Variants in KIF26B observed in about 807,000 individuals in gnomAD.
The protein encoded by KIF26B is kinesin family member 26B, also known as kinesin-like protein KIF26B.
A neutral mutation model predicts 151.2 loss-of-function variants in KIF26B; 63 were observed. The observed-to-expected ratio is 0.42, with a 90% CI of 0.34 to 0.51. The LOEUF is 0.51. KIF26B is among the 20% of genes least tolerant of loss of function. The probability of loss-of-function intolerance (pLI) is 0.07; values close to 1 mark genes in which losing one functional copy is unlikely to be tolerated. For missense variants in KIF26B, 2,813 were observed against 2,913.6 expected (o/e 0.97, Z 0.79); for synonymous variants, 1,357 against 1,262.1 (o/e 1.08, Z -1.59).
intron 9 of KIF26B, among the ~76,000 whole-genome samples, chr1:245,624,770 A>G (rs12134897): frequency 2.6e-5 from 4 of 152,136 alleles, no homozygotes; most frequent in Admixed American, 2.0e-4. Context: ...TCTTTTATGA[A>G]TCATGTTTTT....
At position 245,294,050 on chromosome 1, in the gene KIF26B, G is replaced by A. The variant is rs112412149; in HGVS notation, c.466-72784G>A. ...AAATAAGTCTGTTTGACTGTTTTGA[G>A]TTCTTCCTTTAAAGAATATAGACCA... On this transcript the variant is annotated intron_variant, in intron 2 of 14. Transcript: ENST00000407071. 7.0e-3 allele frequency among the ~76,000 whole-genome samples: 1,066 copies of A among 152,312 alleles called. 12 individuals carry two copies. The highest frequency in any genetic ancestry group is 0.024 in the African/African-American group (1,014 of 41,572).
intron 4 of KIF26B, among the ~76,000 whole-genome samples, chr1:245,421,568 G>A (rs1171158907): frequency 1.3e-5 from 2 of 152,168 alleles, no homozygotes; most frequent in African/African-American, 2.4e-5. Context: ...TCAATGCTCA[G>A]ATGGGAATTG....
At chr1:245,253,596 C>T (rs892193903) in intron 2 of KIF26B, among the ~76,000 whole-genome samples, 18 of 151,828 alleles carry the variant, frequency 1.2e-4, no homozygotes, top group African/African-American at 3.1e-4. Context: ...GAAGAGTTTA[C>T]GTAAGATTGG....
rs1247854504 is a variant in KIF26B, at chr1:245,560,417, A to G, written c.1350+19467A>G. 3.9e-5 allele frequency among the ~76,000 whole-genome samples: 6 copies of G among 152,122 alleles called. No homozygotes were observed. The highest frequency in any genetic ancestry group is 8.8e-5 in the Non-Finnish European group (6 of 68,012). On this transcript the variant is annotated intron_variant, in intron 5 of 14. Transcript: ENST00000407071. This position sits in a 1 kb window ranked among gnomAD's most constrained non-coding sequence, Gnocchi z 4.3. ...TTTCTTTCTTTCCTGTGAGATAAAA[A>G]TGTACCTTATGGTATTACTTTATTT...
intron 2 of KIF26B, among the ~76,000 whole-genome samples, chr1:245,202,063 G>A (rs999996299): frequency 2.6e-5 from 4 of 152,170 alleles, no homozygotes; most frequent in South Asian, 2.1e-4. Context: ...TTAGGATTGC[G>A]AGGCAGGCCA....
In KIF26B at chr1:245,702,880, G is replaced by T. The variant is rs900543982; in HGVS notation, c.*274G>T. ...AAAAAGCACTTTGAGGAACCTTAAA[G>T]ACCTTGTTTGTACATAAGAACTGCT... On this transcript the variant is annotated 3_prime_UTR_variant, in exon 15 of 15. Coordinates refer to ENST00000407071, the MANE Select transcript of KIF26B (RefSeq NM_018012.4). This position sits in a 1 kb window ranked among gnomAD's most constrained non-coding sequence, Gnocchi z 4.1. The T allele has an allele frequency of 7.8e-6, 3 of 384,972 alleles. No homozygotes were observed. The highest frequency in any genetic ancestry group is 6.1e-5 in the African/African-American group (3 of 49,470). The allele number at this position is 384,972 out of a possible 1,614,324, so 23.8% of individuals were successfully genotyped here.
intron 10 of KIF26B, chr1:245,674,037 A>G (rs1289189007): frequency 2.0e-5 from 3 of 152,256 alleles, no homozygotes; most frequent in African/African-American, 7.2e-5. Context: ...GATCTCTGGC[A>G]CTGTGATTAG....
chr1:245,374,186 G>GT (rs1306128359), intron 3 of KIF26B, among the ~76,000 whole-genome samples: 2 of 124,588 alleles, frequency 1.6e-5, no homozygotes, highest in African/African-American at 2.9e-5. Context: ...ATATATCAAG[G>GT]TTTGCTAAAT....
intron 5 of KIF26B, among the ~76,000 whole-genome samples, chr1:245,554,248 G>A (rs143117765): frequency 1.3e-5 from 2 of 152,270 alleles, no homozygotes; most frequent in East Asian, 3.9e-4. Flanking sequence ...TTGAGGGTGG[G>A]AATCTTTGTT....
At chr1:245,273,483 G>T (rs536562722) in intron 2 of KIF26B, among the ~76,000 whole-genome samples, 3 of 150,014 alleles carry the variant, frequency 2.0e-5, no homozygotes, top group African/African-American at 7.3e-5. Context: ...TCCTACTATT[G>T]TTGTGTTGCT....
At chr1:245,314,932 G>A (rs1046906629) in intron 2 of KIF26B, among the ~76,000 whole-genome samples, 1 of 152,186 alleles carries the variant, frequency 6.6e-6, no homozygotes, top group Non-Finnish European at 1.5e-5. Context: ...TGTAATCCCA[G>A]CACTTTGGGA....
At chr1:245,431,825 G>T (rs138493258) in intron 4 of KIF26B, among the ~76,000 whole-genome samples, 1 of 152,082 alleles carries the variant, frequency 6.6e-6, no homozygotes, top group African/African-American at 2.4e-5. Context: ...CTAAAATATC[G>T]CTTTCAGTCT....
rs1229822994 is a variant in KIF26B at position 245,318,019 on chromosome 1, C to T, written c.466-48815C>T. 6.6e-6 allele frequency among the ~76,000 whole-genome samples: 1 copy of T among 152,184 alleles called. No individual in the cohort carries two copies. Among genetic ancestry groups the T allele is most frequent in the Admixed American group, 6.5e-5 (1 of 15,282 alleles). On this transcript the variant is annotated intron_variant, in intron 2 of 14. Coordinates refer to ENST00000407071, the MANE Select transcript of KIF26B (RefSeq NM_018012.4). The surrounding 1 kb of genome is among the most constrained non-coding windows in gnomAD (Gnocchi z 4.0). The stretch of plus-strand genomic sequence containing the variant: ...TACAGGTTACACTTCACCTGATTTC[C>T]AGGTTAGTGCAGCGCCTGACCTCTC...
chr1:245,503,149 G>C (rs939982560), intron 4 of KIF26B, among the ~76,000 whole-genome samples: 1 of 152,028 alleles, frequency 6.6e-6, no homozygotes, highest in African/African-American at 2.4e-5. Flanking sequence ...GTGAGCCACC[G>C]CACCCGGCCA....
chr1:245,176,568 A>G (rs1422736132), intron 2 of KIF26B, among the ~76,000 whole-genome samples: 1 of 152,094 alleles, frequency 6.6e-6, no homozygotes, highest in Non-Finnish European at 1.5e-5. Flanking sequence ...GGTGTTATAT[A>G]AGATGCCACG....
intron 9 of KIF26B, among the ~76,000 whole-genome samples, chr1:245,632,860 A>T (rs945216961): frequency 5.9e-5 from 9 of 152,210 alleles, no homozygotes; most frequent in African/African-American, 9.7e-5. Context: ...GTGAGCCAAG[A>T]TCACACCACT....
At chr1:245,172,221 G>T (rs886391611) in intron 2 of KIF26B, among the ~76,000 whole-genome samples, 1 of 152,112 alleles carries the variant, frequency 6.6e-6, no homozygotes, top group Non-Finnish European at 1.5e-5. Flanking sequence ...TCTGGTGGGG[G>T]GGGTGGGTAC....
chr1:245,467,872 G>A (rs1290455626), intron 4 of KIF26B, among the ~76,000 whole-genome samples: 2 of 135,580 alleles, frequency 1.5e-5, no homozygotes, highest in East Asian at 2.1e-4. Context: ...TCCAGCCTGG[G>A]CAACAGAGTC....
chr1:245,243,447 TACAC>T (rs56334344), intron 2 of KIF26B, among the ~76,000 whole-genome samples: 20 of 147,262 alleles, frequency 1.4e-4, no homozygotes, highest in African/African-American at 5.1e-4. Flanking sequence ...TATATATATA[TACAC>T]ACACACACAC....
Sources: allele counts gnomAD v4.1 joint callset (sites outside exome capture counted in the v4.1 genomes callset), GRCh38; gene constraint gnomAD v4.1.1; non-coding constraint Gnocchi (gnomAD v3.1); transcripts MANE v1.5; gene names NCBI Gene and HGNC (gene_info 2026-07-23, HGNC 2026-07-21).